LRP1B: variants seen among roughly 807,000 people sequenced by gnomAD.
The protein encoded by LRP1B is low-density lipoprotein receptor-related protein 1B.
In LRP1B, 217 loss-of-function variants were observed where a neutral mutation model predicts 556.6. The observed-to-expected ratio is 0.39, with a 90% CI of 0.35 to 0.44. The LOEUF is 0.44. Ranked by LOEUF, LRP1B falls within the 20% of genes least tolerant of loss-of-function variation. The probability of loss-of-function intolerance (pLI) is 1.00; values close to 1 mark genes in which losing one functional copy is unlikely to be tolerated. For missense variants in LRP1B, 5,053 were observed against 5,620.8 expected, an observed-to-expected ratio of 0.90 and a Z score of 3.23; for synonymous variants, 2,047 against 1,865.8, an observed-to-expected ratio of 1.10 and a Z score of -2.50.
At chr2:141,283,121 T>C (rs1685569560) in intron 3 of LRP1B, among the ~76,000 whole-genome samples, 1 of 152,138 alleles carries the variant, frequency 6.6e-6, no homozygotes, top group African/African-American at 2.4e-5. Context: ...AATGGCATTT[T>C]CAGACTTAAG....
chr2:140,392,648 C>T (rs190183914), intron 66 of LRP1B, among the ~76,000 whole-genome samples: 3 of 152,014 alleles, frequency 2.0e-5, no homozygotes, highest in Admixed American at 6.6e-5. Flanking sequence ...CTACCACACC[C>T]GGCTAATTTT....
chr2:141,387,169 A>T (rs967529631), intron 3 of LRP1B, among the ~76,000 whole-genome samples: 17 of 152,034 alleles, frequency 1.1e-4, no homozygotes, highest in Non-Finnish European at 2.5e-4. Flanking sequence ...AAAAGCACAC[A>T]TACTAAATTA....
At chr2:141,402,391 T>G (rs1278346032) in intron 3 of LRP1B, among the ~76,000 whole-genome samples, 2 of 152,062 alleles carry the variant, frequency 1.3e-5, no homozygotes, top group Non-Finnish European at 2.9e-5. Flanking sequence ...CATACAAAAA[T>G]GTATTTGGAC....
intron 43 of LRP1B, among the ~76,000 whole-genome samples, chr2:140,545,295 T>C (rs2105031016): frequency 6.6e-6 from 1 of 152,240 alleles, no homozygotes; most frequent in South Asian, 2.1e-4. Flanking sequence ...TTTAATTCTA[T>C]TACATTTGTC....
intron 43 of LRP1B, among the ~76,000 whole-genome samples, chr2:140,574,171 G>A (rs1003028940): frequency 7.9e-5 from 12 of 152,042 alleles, no homozygotes; most frequent in African/African-American, 2.9e-4. Flanking sequence ...AGTATTCCAT[G>A]AAATGTTGTG....
In LRP1B at chr2:140,902,351, G is replaced by A. The variant is rs1278860377; in HGVS notation, c.3766+569C>T. On this transcript the variant is annotated intron_variant, in intron 23 of 90. Coordinates refer to ENST00000389484, the MANE Select transcript of LRP1B (RefSeq NM_018557.3). Reference sequence around the variant, plus strand: ...ATGGTTAAAATGGGCAACATTACTTGAAAAATGAGAAAACTGAAGCTCCAC... The same window carrying A: ...ATGGTTAAAATGGGCAACATTACTTAAAAAATGAGAAAACTGAAGCTCCAC... Among the ~76,000 whole-genome samples, 4 of 152,186 alleles carry A rather than the reference G, an allele frequency of 2.6e-5. No homozygotes were observed. The East Asian group carries it at 7.8e-4, about 29-fold the overall frequency.
intron 43 of LRP1B, 71 bp downstream of exon 43, chr2:140,598,560 A>G (rs1214522841): frequency 1.7e-6 from 2 of 1,145,224 alleles, no homozygotes; most frequent in African/African-American, 3.1e-5. Flanking sequence ...ACATTTTAGG[A>G]GAGTATAAAT....
intron 1 of LRP1B, among the ~76,000 whole-genome samples, chr2:142,090,484 A>T (rs1706125517): frequency 6.6e-6 from 1 of 152,148 alleles, no homozygotes; most frequent in East Asian, 1.9e-4. Flanking sequence ...AGATGAAAAT[A>T]ATTATACACA....
intron 31 of LRP1B, among the ~76,000 whole-genome samples, chr2:140,822,179 C>T (rs1213542577): frequency 6.6e-6 from 1 of 152,116 alleles, no homozygotes; most frequent in Non-Finnish European, 1.5e-5. Context: ...AAATCACTGT[C>T]ATCAGTAAAG....
intron 28 of LRP1B, 74 bp from the exon 29 acceptor site, chr2:140,850,403 CTTGAT>C (rs140906089): frequency 0.049 from 41,105 of 837,902 alleles, 1,195 homozygotes; most frequent in Middle Eastern, 0.071. Flanking sequence ...TAAAATATTA[CTTGAT>C]TTAATACATG....
chr2:140,335,783 A>G lies in LRP1B; in HGVS notation c.11948T>C (p.Ile3983Thr). 5.0e-6 allele frequency: 8 copies of G among 1,612,810 alleles called. No individual in the cohort carries two copies. Among genetic ancestry groups the G allele is most frequent in the Non-Finnish European group, 6.8e-6 (8 of 1,179,274 alleles). Residue 3983 changes from isoleucine to threonine, a missense_variant, in exon 78 of 91, where the codon ATT (isoleucine) becomes ACT (threonine). Transcript: ENST00000389484. ...DIAVDWVAGNIYWTDHSRMHW... is the reference protein window; with the variant it reads ...DIAVDWVAGNTYWTDHSRMHW... ...CATTCTAGAATGATCAGTCCAGTAA[A>G]TGTTTCCAGCCACCCAGTCAACTGC...
chr2:141,956,401 A>G (rs1310060378), intron 1 of LRP1B, among the ~76,000 whole-genome samples: 1 of 152,014 alleles, frequency 6.6e-6, no homozygotes, highest in African/African-American at 2.4e-5. Context: ...TTACCTGATA[A>G]TATTTTTACT....
intron 85 of LRP1B, among the ~76,000 whole-genome samples, chr2:140,272,258 AACACAC>A (rs10654741): frequency 0.039 from 5,845 of 149,406 alleles, 183 homozygotes; most frequent in African/African-American, 0.089. Flanking sequence ...TGCACACACA[AACACAC>A]ACACACACAC....
At chr2:141,176,414 A>C (rs1680737653) in intron 7 of LRP1B, among the ~76,000 whole-genome samples, 1 of 152,020 alleles carries the variant, frequency 6.6e-6, no homozygotes, top group Non-Finnish European at 1.5e-5. Flanking sequence ...GTAAGTTCTC[A>C]TGAGATCTAA....
At chr2:140,364,866 C>T (rs2105152470) in intron 71 of LRP1B, 83 bp from the exon 72 acceptor site, 1 of 1,242,738 alleles carries the variant, frequency 8.0e-7, no homozygotes, top group Non-Finnish European at 1.1e-6. Flanking sequence ...TGAATCTTAG[C>T]AAACAGTATC....
intron 3 of LRP1B, among the ~76,000 whole-genome samples, chr2:141,283,105 T>G (rs973585397): frequency 4.6e-5 from 7 of 152,246 alleles, no homozygotes; most frequent in Middle Eastern, 3.4e-3. Context: ...ACAAGATACC[T>G]GAACTAATGG....
At chr2:140,748,798 A>AAATGTATATAATATATAT (rs1559094714) in intron 35 of LRP1B, among the ~76,000 whole-genome samples, 1 of 2,172 alleles carries the variant, frequency 4.6e-4, no homozygotes, top group Non-Finnish European at 1.9e-3. Context: ...TATATTATAT[A>AAATGTATATAATATATAT]CATATTATAT....
At chr2:140,239,569 T>G (rs527293444) in intron 87 of LRP1B, 37 bp from the exon 88 acceptor site, 1 of 1,329,304 alleles carries the variant, frequency 7.5e-7, no homozygotes, top group Non-Finnish European at 1.1e-6. Context: ...AAGAAATAAA[T>G]AAAATGAAGT....
intron 1 of LRP1B, among the ~76,000 whole-genome samples, chr2:141,822,921 G>A (rs1696803098): frequency 6.6e-6 from 1 of 152,176 alleles, no homozygotes; most frequent in Non-Finnish European, 1.5e-5. Flanking sequence ...TGCATCTGGA[G>A]TGCTGCTGGA....
Sources: allele counts gnomAD v4.1 joint callset (sites outside exome capture counted in the v4.1 genomes callset), GRCh38; gene constraint gnomAD v4.1.1; transcripts MANE v1.5; gene names NCBI Gene and HGNC (gene_info 2026-07-23, HGNC 2026-07-21).